NUP85: variants seen among roughly 807,000 people sequenced by gnomAD.
NUP85 encodes the protein nucleoporin 85.
Under a neutral mutation model 92.8 loss-of-function variants are expected in NUP85, and 23 were observed. The ratio of observed to expected loss-of-function variants is 0.25; its 90% confidence interval spans 0.18 to 0.35. NUP85 has a LOEUF of 0.35. NUP85 is among the 10% of genes least tolerant of loss of function. The pLI is 1.00. For missense variants in NUP85, 759 were observed against 822.8 expected (o/e 0.92, Z 0.95); for synonymous variants, 314 against 306.9 (o/e 1.02, Z -0.24).
chr17:75,228,307 G>A (rs1053307870), intron 11 of NUP85: 5 of 985,412 alleles, frequency 5.1e-6, no homozygotes, highest in Non-Finnish European at 6.0e-6. Context: ...GCCGGACACA[G>A]ACAAGGAATG....
chr17:75,215,637 G>A, intron 5 of NUP85, 117 bp from the exon 6 acceptor site: 1 of 892,972 alleles, frequency 1.1e-6, no homozygotes, highest in Admixed American at 2.2e-5. Flanking sequence ...TAGGATTGCA[G>A]TAACCTTTGG....
chr17:75,226,903 CA>C (rs2075818707), intron 11 of NUP85: 3 of 313,520 alleles, frequency 9.6e-6, no homozygotes, highest in African/African-American at 4.3e-5. Flanking sequence ...CACTGGGCTT[CA>C]GGCTGGGTAT....
intron 5 of NUP85, among the ~76,000 whole-genome samples, chr17:75,213,799 C>T (rs1480724462): frequency 6.6e-6 from 1 of 151,896 alleles, no homozygotes; most frequent in African/African-American, 2.4e-5. Flanking sequence ...AGTGATCCTC[C>T]TGCCTTGGCC....
intron 1 of NUP85, among the ~76,000 whole-genome samples, chr17:75,206,076 C>G (rs1459359386): frequency 6.6e-6 from 1 of 152,084 alleles, no homozygotes; most frequent in Non-Finnish European, 1.5e-5. Context: ...CCTTGCTTTT[C>G]CTCTTGGGCA....
chr17:75,219,380 A>T (rs545126860), intron 7 of NUP85, among the ~76,000 whole-genome samples: 11 of 151,988 alleles, frequency 7.2e-5, no homozygotes, highest in Non-Finnish European at 1.6e-4. Flanking sequence ...GGGCTCAAGC[A>T]ATCCTCCCAC....
chr17:75,226,740 T>C, intron 11 of NUP85: 1 of 451,190 alleles, frequency 2.2e-6, no homozygotes, highest in Non-Finnish European at 4.5e-6. Context: ...CTGTTTCCAT[T>C]TCAGGGATGT....
At chr17:75,232,042 C>A in intron 14 of NUP85, 63 bp downstream of exon 14, 1 of 1,575,580 alleles carries the variant, frequency 6.3e-7, no homozygotes, top group Non-Finnish European at 8.6e-7. Flanking sequence ...ATCCTGAGGT[C>A]ACACTTTATG....
chr17:75,211,520 G>T (rs530196617), intron 3 of NUP85, among the ~76,000 whole-genome samples: 2 of 150,868 alleles, frequency 1.3e-5, no homozygotes, highest in Admixed American at 6.6e-5. Context: ...TCCGCCTGCC[G>T]GGTTCAAGAG....
chr17:75,231,251 G>T lies in NUP85; in HGVS notation c.1095-89G>T, dbSNP rs1598342939. 2.5e-6 allele frequency: 3 copies of T among 1,213,700 alleles called. No individual in the cohort carries two copies. The African/African-American group carries it at 4.5e-5, about 18-fold the overall frequency. 75.2% of individuals were successfully genotyped at this position (1,213,700 alleles called of 1,614,324 possible). ...CCGGCCCCATCTCTTTGAGGGACAG[G>T]ACATGTGGGGTTTCTTGCTCACCCC... On this transcript the variant is annotated intron_variant, in intron 11 of 18. Transcript: ENST00000245544. The surrounding 1 kb of genome is among the most constrained non-coding windows in gnomAD (Gnocchi z 4.6).
intron 1 of NUP85, among the ~76,000 whole-genome samples, chr17:75,206,146 C>G (rs765854063): frequency 1.3e-5 from 2 of 152,188 alleles, no homozygotes; most frequent in Non-Finnish European, 2.9e-5. Context: ...GTATTAAGCT[C>G]TGCATCGCGG....
At chr17:75,218,934 A>T (rs548604441) in intron 7 of NUP85, among the ~76,000 whole-genome samples, 2 of 151,884 alleles carry the variant, frequency 1.3e-5, no homozygotes, top group South Asian at 2.1e-4. Flanking sequence ...ACCAATTGAC[A>T]GGGGCTGGGG....
chr17:75,235,492 T>C (rs1178486054), intron 18 of NUP85, 86 bp from the exon 19 acceptor site: 9 of 922,964 alleles, frequency 9.8e-6, no homozygotes, highest in Non-Finnish European at 1.5e-5. Flanking sequence ...TTAAGTGCCC[T>C]CTACCTTTGG....
intron 4 of NUP85, among the ~76,000 whole-genome samples, chr17:75,212,452 C>T (rs1325095598): frequency 7.4e-6 from 1 of 134,636 alleles, no homozygotes; most frequent in Non-Finnish European, 1.5e-5. Context: ...TTACAGGAGT[C>T]AGCCACTGTG....
intron 4 of NUP85, 43 bp downstream of exon 4, chr17:75,212,105 T>TGC: frequency 7.1e-7 from 1 of 1,414,750 alleles, no homozygotes; most frequent in Non-Finnish European, 9.8e-7. Flanking sequence ...TGTGTGTGTG[T>TGC]GTGTGGGTAT....
At chr17:75,218,084 T>C in intron 6 of NUP85, 101 bp from the exon 7 acceptor site, 1 of 1,485,136 alleles carries the variant, frequency 6.7e-7, no homozygotes, top group South Asian at 1.2e-5. Context: ...TAAACCTATG[T>C]AGTCAGCTTG....
chr17:75,229,468 G>T lies in NUP85; in HGVS notation c.1095-1872G>T, dbSNP rs1401255945. On this transcript the variant is annotated intron_variant, in intron 11 of 18. Transcript: ENST00000245544. The stretch of plus-strand genomic sequence containing the variant: ...CAGCGTTCTCTCGTTTTCAGCAGAG[G>T]GCTACTTTGGAGCTGATAATTAGGC... 2.6e-5 allele frequency among the ~76,000 whole-genome samples: 4 copies of T among 152,160 alleles called. No homozygotes were observed. The East Asian group carries it at 7.7e-4, about 29-fold the overall frequency.
chr17:75,234,132 A>G (rs555498724), intron 16 of NUP85, among the ~76,000 whole-genome samples: 1 of 148,448 alleles, frequency 6.7e-6, no homozygotes, highest in Admixed American at 6.8e-5. Flanking sequence ...GCTCACTGCA[A>G]CCTCCACCTC....
intron 11 of NUP85, chr17:75,228,228 T>C (rs2075899413): frequency 1.0e-6 from 1 of 985,366 alleles, no homozygotes; most frequent in East Asian, 1.1e-4. Context: ...GGGGAAAGCA[T>C]CCTGCTGTTT....
chr17:75,225,060 C>T, intron 7 of NUP85, 43 bp from the exon 8 acceptor site: 1 of 1,510,796 alleles, frequency 6.6e-7, no homozygotes, highest in Non-Finnish European at 8.8e-7. Flanking sequence ...CTCGGCAGGG[C>T]CAGGCCTCCT....
Sources: gnomAD v4.1 joint callset for allele counts (sites outside exome capture counted in the v4.1 genomes callset) on GRCh38, gnomAD v4.1.1 for gene constraint, Gnocchi (gnomAD v3.1) non-coding constraint, MANE v1.5 for transcripts, NCBI Gene and HGNC (gene_info 2026-07-23, HGNC 2026-07-21) for gene names.